Variants in TAFA2 observed in about 807,000 individuals in gnomAD.
The protein encoded by TAFA2 is TAFA chemokine like family member 2.
A neutral mutation model predicts 18.8 loss-of-function variants in TAFA2; 7 were observed. The observed-to-expected ratio is 0.37, with a 90% CI of 0.21 to 0.70. The LOEUF (loss-of-function observed/expected upper bound fraction) is 0.70. TAFA2 is among the 30% of genes least tolerant of loss of function. The probability of loss-of-function intolerance (pLI) is 0.53; values close to 1 mark genes in which losing one functional copy is unlikely to be tolerated. For synonymous variants in TAFA2, 60 were observed against 54.2 expected, an observed-to-expected ratio of 1.11 and a Z score of -0.47; for missense variants, 122 against 158.1, an observed-to-expected ratio of 0.77 and a Z score of 1.23.
At chr12:62,224,178 G>A (rs574969290) in intron 1 of TAFA2, among the ~76,000 whole-genome samples, 1 of 151,880 alleles carries the variant, frequency 6.6e-6, no homozygotes, top group Non-Finnish European at 1.5e-5. Context: ...CTAAAACATG[G>A]AGGAGGTTTT....
chr12:62,081,634 G>A lies in TAFA2; in HGVS notation c.-2+109625C>T, dbSNP rs866394227. ...CAAGTAGCTGGGACAACAGGAGCCC[G>A]CCACCACACCTGGCTAATTTTTGTA... On this transcript the variant is annotated intron_variant, in intron 1 of 4. Transcript: ENST00000416284. Among the ~76,000 whole-genome samples, 59 of 152,044 alleles carry A rather than the reference G, an allele frequency of 3.9e-4. 1 individual carries two copies. Among genetic ancestry groups the A allele is most frequent in the South Asian group, 1.7e-3 (8 of 4,808 alleles).
intron 1 of TAFA2, among the ~76,000 whole-genome samples, chr12:61,912,738 A>C (rs181576599): frequency 1.0e-3 from 159 of 152,304 alleles, no homozygotes; most frequent in Middle Eastern, 0.01. Context: ...AAGCTAAAAA[A>C]CTGTTTGCCT....
At chr12:61,880,102 C>A in intron 1 of TAFA2, 1 of 630,832 alleles carries the variant, frequency 1.6e-6, no homozygotes. Flanking sequence ...ACAACATCAT[C>A]ACTGAGGTCA....
At chr12:61,852,866 C>T (rs1381467429) in intron 2 of TAFA2, among the ~76,000 whole-genome samples, 1 of 151,994 alleles carries the variant, frequency 6.6e-6, no homozygotes, top group Non-Finnish European at 1.5e-5. Flanking sequence ...ATTCTAAAAG[C>T]AATAGCATAA....
chr12:61,750,938 A>G, intron 4 of TAFA2, among the ~76,000 whole-genome samples: 1 of 152,110 alleles, frequency 6.6e-6, no homozygotes, highest in East Asian at 1.9e-4. Context: ...GGACCTGCCA[A>G]ATCAGGAGTT....
chr12:61,828,908 C>T (rs1872618483), intron 2 of TAFA2, among the ~76,000 whole-genome samples: 2 of 151,716 alleles, frequency 1.3e-5, no homozygotes, highest in South Asian at 4.1e-4. Context: ...AGAGAATTAG[C>T]AGTGATTCCA....
At chr12:61,830,244 T>C (rs1034633143) in intron 2 of TAFA2, among the ~76,000 whole-genome samples, 4 of 150,196 alleles carry the variant, frequency 2.7e-5, no homozygotes, top group African/African-American at 9.7e-5. Flanking sequence ...ATATATAACA[T>C]TTTATGTATC....
chr12:62,212,907 A>T (rs1457819466), intron 1 of TAFA2, among the ~76,000 whole-genome samples: 1 of 152,248 alleles, frequency 6.6e-6, no homozygotes, highest in Non-Finnish European at 1.5e-5. Flanking sequence ...TTATTAACAG[A>T]AGATTAAAAC....
At chr12:62,195,367 A>G (rs2062644746), upstream of TAFA2, among the ~76,000 whole-genome samples, 1 of 152,248 alleles carries the variant, frequency 6.6e-6, no homozygotes, top group African/African-American at 2.4e-5. Flanking sequence ...CCACAGAAGC[A>G]ACTCTTCTAG....
chr12:61,784,757 T>C (rs1255248831), intron 2 of TAFA2, among the ~76,000 whole-genome samples: 1 of 151,414 alleles, frequency 6.6e-6, no homozygotes, highest in African/African-American at 2.4e-5. Flanking sequence ...GTTTTACATA[T>C]TTAGTCTTTT....
At chr12:61,956,286 A>G (rs1228803152) in intron 1 of TAFA2, among the ~76,000 whole-genome samples, 3 of 152,132 alleles carry the variant, frequency 2.0e-5, no homozygotes, top group African/African-American at 4.8e-5. Context: ...AGAAAAATAC[A>G]TAATCCTTAT....
chr12:62,109,975 T>C (rs989090674), intron 1 of TAFA2, among the ~76,000 whole-genome samples: 11 of 152,230 alleles, frequency 7.2e-5, no homozygotes, highest in Non-Finnish European at 1.0e-4. Flanking sequence ...TTTATTTCTT[T>C]CTCTTGCCTG....
intron 1 of TAFA2, among the ~76,000 whole-genome samples, chr12:61,872,779 G>A (rs544403864): frequency 3.3e-5 from 5 of 151,992 alleles, no homozygotes; most frequent in Non-Finnish European, 7.4e-5. Context: ...TCTTTGTGTA[G>A]TGGTCTGCTT....
chr12:62,176,023 T>C (rs991516390), intron 1 of TAFA2, among the ~76,000 whole-genome samples: 11 of 152,104 alleles, frequency 7.2e-5, no homozygotes, highest in Non-Finnish European at 1.0e-4. Context: ...CCTCCTTTGA[T>C]GTTGCCATAT....
At chr12:61,763,578 G>A (rs548008488) in intron 2 of TAFA2, among the ~76,000 whole-genome samples, 16 of 151,792 alleles carry the variant, frequency 1.1e-4, no homozygotes, top group Non-Finnish European at 1.9e-4. Context: ...TGTAAGGCCT[G>A]TTCTGGAAAA....
chr12:61,869,543 G>T (rs1458355315), intron 1 of TAFA2, among the ~76,000 whole-genome samples: 1 of 152,142 alleles, frequency 6.6e-6, no homozygotes. Flanking sequence ...TTGTAACATT[G>T]TGAGTTCAAC....
intron 1 of TAFA2, among the ~76,000 whole-genome samples, chr12:62,146,743 C>A (rs1442356425): frequency 6.6e-6 from 1 of 152,094 alleles, no homozygotes; most frequent in Non-Finnish European, 1.5e-5. Flanking sequence ...CTTTTAGAGG[C>A]AAAGAGCTAC....
intron 1 of TAFA2, among the ~76,000 whole-genome samples, chr12:62,137,398 A>C (rs1870940536): frequency 6.6e-6 from 1 of 152,136 alleles, no homozygotes. Flanking sequence ...ATTCCTACTC[A>C]AGAATAAATG....
At chr12:61,937,655 T>C (rs1204888031) in intron 1 of TAFA2, among the ~76,000 whole-genome samples, 1 of 152,060 alleles carries the variant, frequency 6.6e-6, no homozygotes, top group Non-Finnish European at 1.5e-5. Context: ...AAAAATCAAC[T>C]GAAGATGGAG....
Sources: gnomAD v4.1 joint callset for allele counts (sites outside exome capture counted in the v4.1 genomes callset) on GRCh38, gnomAD v4.1.1 for gene constraint, MANE v1.5 for transcripts, NCBI Gene and HGNC (gene_info 2026-07-23, HGNC 2026-07-21) for gene names.